The following SYNE2 variants were observed in gnomAD, a reference collection of about 807,000 sequenced individuals.
The protein encoded by SYNE2 is nesprin-2.
A neutral mutation model predicts 856.3 loss-of-function variants in SYNE2; 431 were observed. That is an observed-to-expected ratio of 0.50 (90% CI 0.47 to 0.55). The LOEUF (loss-of-function observed/expected upper bound fraction) is 0.55, where lower values mean the gene tolerates loss of function less well. SYNE2 is among the 20% of genes least tolerant of loss of function. The pLI, the probability that SYNE2 is intolerant of heterozygous loss-of-function variation, is 0.00. For synonymous variants in SYNE2, 2,923 were observed against 2,872.3 expected (o/e 1.02, Z -0.56); for missense variants, 8,129 against 8,023.2 (o/e 1.01, Z -0.50).
At chr14:64,003,353 C>T (rs912828644) in intron 30 of SYNE2, 23 bp downstream of exon 30, 2 of 1,613,688 alleles carry the variant, frequency 1.2e-6, no homozygotes, top group Non-Finnish European at 1.7e-6. Flanking sequence ...CATCCATTTC[C>T]ATCCAAGGTG....
Position 64,143,891 on chromosome 14 carries a change from G to T in SYNE2, c.15426G>T (p.Glu5142Asp). The T allele has an allele frequency of 6.2e-7, 1 of 1,614,188 alleles. No individual in the cohort carries two copies. The highest frequency in any genetic ancestry group is 1.1e-5 in the South Asian group (1 of 91,080). Reference sequence around the variant, plus strand: ...GCTATGAAAGAACGGAGTTTGCAGAGCACCTGGGGGAGATGAACCGCCAGT... The same window carrying T: ...GCTATGAAAGAACGGAGTTTGCAGATCACCTGGGGGAGATGAACCGCCAGT... ...SKRYERTEFA[E>D]HLGEMNRQWH... The change falls in exon 83 of 116, where the codon GAG (glutamate) becomes GAT (aspartate). Residue 5142 changes from glutamate (E) to aspartate (D), a missense_variant. By Grantham distance (45) the Glu-to-Asp change is conservative (BLOSUM62 2). Coordinates refer to ENST00000555002, the MANE Select transcript of SYNE2 (RefSeq NM_182914.3).
At chr14:63,855,229 C>T (rs1400942329) in intron 1 of SYNE2, among the ~76,000 whole-genome samples, 1 of 152,066 alleles carries the variant, frequency 6.6e-6, no homozygotes, top group African/African-American at 2.4e-5. Context: ...GATTCCTGCC[C>T]TTATCTAGGT....
In SYNE2 at chr14:63,967,928, C is replaced by T; in HGVS notation, c.1128+82C>T. 9 of 1,423,416 alleles carry T rather than the reference C, an allele frequency of 6.3e-6. 1 individual carries two copies. The South Asian group carries it at 9.2e-5, about 15-fold the overall frequency. 88.2% of individuals were successfully genotyped at this position (1,423,416 alleles called of 1,614,324 possible). A position where few individuals can be genotyped will look rare whatever the true frequency, so the allele number is the denominator to read the frequency against. On this transcript the variant is annotated intron_variant, in intron 11 of 115. Coordinates refer to ENST00000555002, the MANE Select transcript of SYNE2 (RefSeq NM_182914.3). ...CTGTAATCCCAGCACTTTGGGAGAC[C>T]AAGGCGGGTGGATCACTTGAGGTCA...
intron 99 of SYNE2, among the ~76,000 whole-genome samples, chr14:64,199,045 T>G (rs1280927193): frequency 6.6e-6 from 1 of 152,182 alleles, no homozygotes. Context: ...TGGTTAAGTG[T>G]TTACTGAAAG....
intron 3 of SYNE2, 115 bp downstream of exon 3, chr14:63,940,790 G>C (rs1443416716): frequency 7.0e-6 from 6 of 861,020 alleles, no homozygotes. Flanking sequence ...CAGGGAAAAG[G>C]TTGTGGAATG....
rs755149610 is a variant in SYNE2, at chr14:64,126,727, T to G, written c.13837T>G (p.Cys4613Gly). The G allele has an allele frequency of 4.3e-6, 7 of 1,614,110 alleles. No homozygotes were observed. The African/African-American group carries it at 9.3e-5, about 22-fold the overall frequency. The change falls in exon 73 of 116, where the codon TGC (cysteine) becomes GGC (glycine). Residue 4613 changes from cysteine (C) to glycine (G), a missense_variant. Cys to Gly is a radical substitution (Grantham distance 159). This residue lies in a region of SYNE2 where 5,410 missense variants were observed against 5,284.8 expected (regional missense o/e 1.02). Coordinates refer to ENST00000555002, the MANE Select transcript of SYNE2 (RefSeq NM_182914.3). ...TGAATGTTTTGACAACCTTCAAGTC[T>G]GCCTGGAGCACACTCAGGCTGCAGC... ...LLECFDNLQV[C>G]LEHTQAAAVC...
intron 49 of SYNE2, among the ~76,000 whole-genome samples, chr14:64,061,471 C>T (rs555228416): frequency 3.3e-5 from 5 of 152,206 alleles, no homozygotes; most frequent in African/African-American, 7.2e-5. Flanking sequence ...CCAATTTCCA[C>T]TCAAACCAGC....
rs532861539 is a variant in SYNE2, at chr14:64,055,978, G to A, written c.9779G>A (p.Arg3260His). The A allele has an allele frequency of 6.8e-6, 11 of 1,613,842 alleles. No homozygotes were observed. The South Asian group carries it at 7.7e-5, about 11-fold the overall frequency. ...VLNDAYENLT[R>H]YKEAVTRAVE... ...AATGATGCTTATGAAAATCTAACAC[G>A]CTATAAAGAAGCAGTCACCAGGGCA... Residue 3260 changes from arginine (R) to histidine (H), a missense_variant, in exon 49 of 116, where the codon CGC becomes CAC. Physicochemically the swap from Arg to His is conservative, Grantham distance 29. This residue lies in a region of SYNE2 where 5,410 missense variants were observed against 5,284.8 expected (regional missense o/e 1.02). Transcript: ENST00000555002.
chr14:64,016,525 T>C lies in SYNE2; in HGVS notation c.4781T>C (p.Ile1594Thr). The C allele has an allele frequency of 6.2e-7, 1 of 1,603,864 alleles. No homozygotes were observed. The highest frequency in any genetic ancestry group is 1.1e-5 in the South Asian group (1 of 88,790). Residue 1594 changes from isoleucine (I) to threonine (T), a missense_variant, in exon 33 of 116, where the codon ATA becomes ACA. Ile to Thr is a moderately conservative substitution (Grantham distance 89). Around this residue, in one of 3 missense-constraint regions of SYNE2, gnomAD observed 2,422 missense variants for 2,357.4 expected, o/e 1.03. Transcript: ENST00000555002. ...FNEHLEVVDK[I>T]NQVCKNLQFY... ...GAGCATTTAGAAGTTGTAGACAAGA[T>C]AAACCAGGTCTGCAAAAATCTACAA...
chr14:64,208,669 G>A, intron 100 of SYNE2, 89 bp from the exon 101 acceptor site: 1 of 1,387,562 alleles, frequency 7.2e-7, no homozygotes, highest in Non-Finnish European at 1.0e-6. Context: ...TGAGCTGGGA[G>A]AAGGGAGGGA....
intron 78 of SYNE2, among the ~76,000 whole-genome samples, chr14:64,136,319 G>C (rs965823867): frequency 6.6e-6 from 1 of 151,398 alleles, no homozygotes; most frequent in Non-Finnish European, 1.5e-5. Context: ...AAAAATTGGG[G>C]GGTGAATTAA....
intron 103 of SYNE2, among the ~76,000 whole-genome samples, chr14:64,210,507 C>T (rs1329875668): frequency 6.6e-6 from 1 of 150,606 alleles, no homozygotes; most frequent in Non-Finnish European, 1.5e-5. Context: ...TTTTATGGGA[C>T]CCCCCCCAGC....
At chr14:64,000,799 T>TTAA in intron 28 of SYNE2, 80 bp downstream of exon 28, 2 of 1,262,946 alleles carry the variant, frequency 1.6e-6, no homozygotes, top group Non-Finnish European at 2.3e-6. Flanking sequence ...AGATTCTTGC[T>TTAA]ATACTAAGTA....
At chr14:64,156,119 C>T (rs1204095096) in intron 85 of SYNE2, among the ~76,000 whole-genome samples, 4 of 152,226 alleles carry the variant, frequency 2.6e-5, no homozygotes, top group South Asian at 2.1e-4. Context: ...ATATTCCTCC[C>T]GCTTGTTTTT....
rs1007953821 is a variant in SYNE2 at position 63,909,160 on chromosome 14, T to C, written c.12T>C (p.Ser4=). The C allele has an allele frequency of 4.3e-6, 7 of 1,611,838 alleles. No homozygotes were observed. Among genetic ancestry groups the C allele is most frequent in the Non-Finnish European group, 5.9e-6 (7 of 1,178,230 alleles). ...CATTGAGTCAAAGAATGGCATCTAGTCCTGAGCTTCCCACCGAAGATGAAC... is the reference window on the plus strand; with the variant it reads ...CATTGAGTCAAAGAATGGCATCTAGCCCTGAGCTTCCCACCGAAGATGAAC... MAS[S]PELPTEDEQG... The change falls in exon 2 of 116, where the codon AGT becomes AGC. Residue 4 remains serine, a synonymous_variant. Transcript: ENST00000555002.
rs1208336212 is a variant in SYNE2, at chr14:64,143,415, G to A, written c.15307-357G>A. On this transcript the variant is annotated intron_variant, in intron 82 of 115. Coordinates refer to ENST00000555002, the MANE Select transcript of SYNE2 (RefSeq NM_182914.3). ...TCCTATTTCCCATCTGGTTGTTTCC[G>A]TGAGCCCTCAGGATGGCCCAGAATT... Among the ~76,000 whole-genome samples the A allele has an allele frequency of 2.6e-5, 4 of 152,178 alleles. No homozygotes were observed. In the South Asian group the frequency reaches 6.2e-4, roughly 24 times the overall value.
At chr14:63,992,140 C>G (rs935511449) in intron 21 of SYNE2, among the ~76,000 whole-genome samples, 7 of 151,876 alleles carry the variant, frequency 4.6e-5, no homozygotes, top group Non-Finnish European at 1.0e-4. Context: ...CTCCTAGGTT[C>G]CTGAAAGTAC....
Position 64,048,086 on chromosome 14 carries a change from C to G in SYNE2, c.7308C>G (p.Val2436=), listed in dbSNP as rs768014327. The G allele has an allele frequency of 1.2e-6, 2 of 1,613,486 alleles. No homozygotes were observed. Among genetic ancestry groups the G allele is most frequent in the Non-Finnish European group, 1.7e-6 (2 of 1,179,756 alleles). The change falls in exon 46 of 116, where the codon GTC becomes GTG. Residue 2436 remains valine (V), a synonymous_variant. Coordinates refer to ENST00000555002, the MANE Select transcript of SYNE2 (RefSeq NM_182914.3). The stretch of plus-strand genomic sequence containing the variant: ...AAAACACTGAAGATGAGCGGAAAGT[C>G]AATGAGCTGCAAAATCAACCTTTAG... ...SMKNTEDERK[V]NELQNQPLEL...
intron 100 of SYNE2, chr14:64,207,827 C>T: frequency 2.8e-6 from 1 of 360,334 alleles, no homozygotes; most frequent in Non-Finnish European, 5.4e-6. Flanking sequence ...TGTTTGCTTT[C>T]TCACAATGTA....
Sources: gnomAD v4.1 joint callset for allele counts (sites outside exome capture counted in the v4.1 genomes callset) on GRCh38, gnomAD v4.1.1 for gene constraint, gnomAD v4.1.1 regional missense constraint, MANE v1.5 for transcripts, NCBI Gene and HGNC (gene_info 2026-07-23, HGNC 2026-07-21) for gene names.